The following DOCK8 variants were observed in gnomAD, a reference collection of about 807,000 sequenced individuals.
DOCK8 encodes the protein dedicator of cytokinesis protein 8.
DOCK8 carries 141 observed loss-of-function variants against 245.6 expected under a neutral mutation model. The ratio of observed to expected loss-of-function variants is 0.57; its 90% CI spans 0.50 to 0.66. The LOEUF (loss-of-function observed/expected upper bound fraction) is 0.66, where lower values mean the gene tolerates loss of function less well. Ranked by LOEUF, DOCK8 falls within the 30% of genes least tolerant of loss-of-function variation. The pLI, the probability that DOCK8 is intolerant of heterozygous loss-of-function variation, is 0.00. For synonymous variants in DOCK8, 1,168 were observed against 970.2 expected (o/e 1.20, Z -3.79); for missense variants, 2,965 against 2,603.4 (o/e 1.14, Z -3.02).
At chr9:343,797 A>G (rs1323681533) in intron 14 of DOCK8, among the ~76,000 whole-genome samples, 2 of 152,220 alleles carry the variant, frequency 1.3e-5, no homozygotes, top group Non-Finnish European at 2.9e-5. Context: ...ACTTTATCCT[A>G]TAATCGGGAA....
intron 1 of DOCK8, among the ~76,000 whole-genome samples, chr9:237,815 A>G (rs1736779490): frequency 6.6e-6 from 1 of 152,184 alleles, no homozygotes; most frequent in African/African-American, 2.4e-5. Flanking sequence ...ATTTTAGGAA[A>G]AACCACAATA....
intron 14 of DOCK8, among the ~76,000 whole-genome samples, chr9:341,269 T>G (rs10971423): frequency 0.41 from 62,761 of 152,102 alleles, 13,647 homozygotes; most frequent in East Asian, 0.69. Flanking sequence ...CCTAACAGGT[T>G]GGGCTGCCTT....
chr9:400,896 CCCCCA>C (rs1564016203), intron 26 of DOCK8, among the ~76,000 whole-genome samples: 2 of 110,252 alleles, frequency 1.8e-5, no homozygotes, highest in East Asian at 4.1e-4. Context: ...ACCACCACCT[CCCCCA>C]CTACCAACAG....
At chr9:214,660 C>G (rs771329154), upstream of DOCK8, 3 of 1,600,964 alleles carry the variant, frequency 1.9e-6, no homozygotes, top group South Asian at 1.1e-5. Flanking sequence ...TCCCTTCGGC[C>G]GGAGGTCGGC....
At chr9:421,125 C>T (rs753251338) in intron 32 of DOCK8, 47 bp downstream of exon 32, 3 of 1,612,382 alleles carry the variant, frequency 1.9e-6, no homozygotes, top group Non-Finnish European at 2.5e-6. Context: ...CAGTTTTTCA[C>T]TGTTTGTGGG....
chr9:216,250 C>A (rs112107339), intron 1 of DOCK8, among the ~76,000 whole-genome samples: 97 of 152,176 alleles, frequency 6.4e-4, no homozygotes, highest in African/African-American at 2.2e-3. Flanking sequence ...CATAAAGAGG[C>A]TGGGTGCCAT....
intron 1 of DOCK8, among the ~76,000 whole-genome samples, chr9:269,906 C>G (rs1013284936): frequency 3.9e-5 from 6 of 152,122 alleles, no homozygotes; most frequent in African/African-American, 1.4e-4. Flanking sequence ...AGTGGAATTG[C>G]TGGGATACAT....
At chr9:242,539 A>G (rs1027313329) in intron 1 of DOCK8, among the ~76,000 whole-genome samples, 2 of 152,228 alleles carry the variant, frequency 1.3e-5, no homozygotes, top group African/African-American at 4.8e-5. Context: ...TATCCCTCAT[A>G]TGCATTACCT....
intron 5 of DOCK8, among the ~76,000 whole-genome samples, chr9:306,686 G>A (rs1206495682): frequency 6.6e-6 from 1 of 152,190 alleles, no homozygotes; most frequent in East Asian, 1.9e-4. Context: ...GCTGGGCCCT[G>A]TCTGCTGGAA....
At chr9:335,606 A>T (rs1216947200) in intron 11 of DOCK8, among the ~76,000 whole-genome samples, 1 of 152,122 alleles carries the variant, frequency 6.6e-6, no homozygotes, top group African/African-American at 2.4e-5. Context: ...AATGCCGTCT[A>T]TGTAGACCCA....
chr9:396,969 T>G, intron 25 of DOCK8, 35 bp downstream of exon 25: 1 of 1,595,642 alleles, frequency 6.3e-7, no homozygotes, highest in South Asian at 1.1e-5. Context: ...TCTAAATTGT[T>G]TACCTGGAAC....
intron 9 of DOCK8, among the ~76,000 whole-genome samples, chr9:329,960 G>A (rs978887185): frequency 6.6e-6 from 1 of 152,168 alleles, no homozygotes; most frequent in Admixed American, 6.6e-5. Context: ...TTTCTTTATC[G>A]TAATGCCATC....
At chr9:258,980 C>T (rs1187794542) in intron 1 of DOCK8, among the ~76,000 whole-genome samples, 1 of 147,562 alleles carries the variant, frequency 6.8e-6, no homozygotes, top group African/African-American at 2.5e-5. Context: ...TCTATGGTAA[C>T]CACAGCACAA....
At chr9:442,926 A>G (rs1232498953) in intron 42 of DOCK8, among the ~76,000 whole-genome samples, 1 of 152,222 alleles carries the variant, frequency 6.6e-6, no homozygotes, top group Non-Finnish European at 1.5e-5. Flanking sequence ...TACTTGACTC[A>G]AAGAAGCCAT....
At chr9:242,929 A>G (rs755729507) in intron 1 of DOCK8, among the ~76,000 whole-genome samples, 29 of 152,182 alleles carry the variant, frequency 1.9e-4, no homozygotes, top group Non-Finnish European at 4.1e-4. Context: ...GTAGCCTTAC[A>G]GCATCAGAAA....
chr9:282,515 C>G (rs2048633384), intron 2 of DOCK8, among the ~76,000 whole-genome samples: 1 of 149,500 alleles, frequency 6.7e-6, no homozygotes, highest in Admixed American at 6.7e-5. Flanking sequence ...AACTCCTGGG[C>G]TCAGTGTTTC....
intron 2 of DOCK8, chr9:276,921 G>T: frequency 3.6e-6 from 1 of 280,912 alleles, no homozygotes. Flanking sequence ...CGATTCTCCT[G>T]CCTCAGCCTC....
intron 1 of DOCK8, among the ~76,000 whole-genome samples, chr9:251,008 G>GT (rs1440140297): frequency 6.6e-6 from 1 of 152,206 alleles, no homozygotes; most frequent in Non-Finnish European, 1.5e-5. Context: ...TCTGATGCCA[G>GT]TGAGTTGAGC....
chr9:231,713 G>A (rs1315626334), intron 1 of DOCK8, among the ~76,000 whole-genome samples: 1 of 152,084 alleles, frequency 6.6e-6, no homozygotes, highest in Non-Finnish European at 1.5e-5. Flanking sequence ...TGTTATTGGT[G>A]TATAAGAATG....
Sources: allele counts gnomAD v4.1 joint callset (sites outside exome capture counted in the v4.1 genomes callset), GRCh38; gene constraint gnomAD v4.1.1; transcripts MANE v1.5; gene names NCBI Gene and HGNC (gene_info 2026-07-23, HGNC 2026-07-21).